Variants in TET1 observed in about 807,000 individuals in gnomAD.
TET1 encodes tet methylcytosine dioxygenase 1.
Under a neutral mutation model 148.7 loss-of-function variants are expected in TET1, and 13 were observed. The ratio of observed to expected loss-of-function variants is 0.09; its 90% CI spans 0.06 to 0.14. The LOEUF (loss-of-function observed/expected upper bound fraction) is 0.14. Ranked by LOEUF, TET1 falls within the 10% of genes least tolerant of loss-of-function variation. TET1 has a pLI of 1.00. For missense variants in TET1, 2,182 were observed against 2,553.8 expected, an observed-to-expected ratio of 0.85 and a Z score of 3.14; for synonymous variants, 907 against 937.2, an observed-to-expected ratio of 0.97 and a Z score of 0.59.
chr10:68,593,335 A>G (rs2053940745), intron 2 of TET1, among the ~76,000 whole-genome samples: 1 of 152,040 alleles, frequency 6.6e-6, no homozygotes, highest in South Asian at 2.1e-4. Flanking sequence ...AAACAAATTA[A>G]TACATTTAAA....
chr10:68,611,479 C>G (rs1055466779), intron 3 of TET1, among the ~76,000 whole-genome samples: 10 of 151,830 alleles, frequency 6.6e-5, no homozygotes, highest in African/African-American at 2.4e-4. Flanking sequence ...TAGCAAGACT[C>G]CATCTCTTCA....
intron 2 of TET1, among the ~76,000 whole-genome samples, chr10:68,586,386 C>T (rs2053861315): frequency 6.6e-6 from 1 of 151,718 alleles, no homozygotes; most frequent in African/African-American, 2.4e-5. Flanking sequence ...CCATGTTGGT[C>T]AGGCTGGTTT....
At chr10:68,678,474 G>T (rs1305625624) in intron 8 of TET1, among the ~76,000 whole-genome samples, 1 of 152,194 alleles carries the variant, frequency 6.6e-6, no homozygotes, top group Non-Finnish European at 1.5e-5. Context: ...CAGAGGCCTG[G>T]TGTGGTGGCT....
chr10:68,611,458 C>G (rs2457455), intron 3 of TET1, among the ~76,000 whole-genome samples: 32,539 of 151,786 alleles, frequency 0.21, 3,649 homozygotes, highest in South Asian at 0.32. Context: ...CGCACTCCAG[C>G]CTGGGCAACA....
Position 68,573,972 on chromosome 10 carries a change from G to T in TET1, c.1634G>T (p.Ser545Ile). ...GGTCCTAGCAAATCAGACAGAGGGA[G>T]CTCCCAGGTCAGTGTAACCAGCACA... is the stretch of plus-strand genomic sequence containing the variant. ...QAGPSKSDRG[S>I]SQVSVTSTVH... Residue 545 changes from serine to isoleucine, a missense_variant, in exon 2 of 12, where the codon AGC becomes ATC. Physicochemically the swap from Ser to Ile is moderately radical, Grantham distance 142 (BLOSUM62 -2). Around this residue, in one of 11 missense-constraint regions of TET1, gnomAD observed 665 missense variants for 672.4 expected, o/e 0.99. Transcript: ENST00000373644. 5.6e-6 allele frequency: 9 copies of T among 1,614,176 alleles called. No homozygotes were observed. The highest frequency in any genetic ancestry group is 7.6e-6 in the Non-Finnish European group (9 of 1,180,046).
intron 3 of TET1, among the ~76,000 whole-genome samples, chr10:68,622,643 C>T (rs1048238854): frequency 2.6e-5 from 4 of 152,004 alleles, no homozygotes; most frequent in Non-Finnish European, 5.9e-5. Context: ...AACAGTTCCA[C>T]AGTCCTCTTT....
chr10:68,566,967 T>C (rs1276462324), intron 1 of TET1, among the ~76,000 whole-genome samples: 1 of 152,052 alleles, frequency 6.6e-6, no homozygotes, highest in Non-Finnish European at 1.5e-5. Flanking sequence ...ATGAGGTCAA[T>C]ACTATTAGGT....
At chr10:68,681,323 G>A in intron 8 of TET1, 76 bp from the exon 9 acceptor site, 1 of 882,450 alleles carries the variant, frequency 1.1e-6, no homozygotes. Context: ...CATCAGCCAT[G>A]ATTTATGATT....
At chr10:68,591,934 CAAAA>C (rs2053923422) in intron 2 of TET1, among the ~76,000 whole-genome samples, 1 of 149,288 alleles carries the variant, frequency 6.7e-6, no homozygotes, top group South Asian at 2.1e-4. Context: ...AACAAACAAA[CAAAA>C]ACAGCCTACA....
Position 68,691,621 on chromosome 10 carries a change from C to G in TET1, c.6218C>G (p.Ala2073Gly), listed in dbSNP as rs777084272. 1 of 1,614,104 alleles carries G rather than the reference C, an allele frequency of 6.2e-7. No homozygotes were observed. Among genetic ancestry groups the G allele is most frequent in the South Asian group, 1.1e-5 (1 of 91,084 alleles). ...LNKIKFEAKEAKNKKMKASEQ... is the reference protein window; with the variant it reads ...LNKIKFEAKEGKNKKMKASEQ... ...AAGATTAAGTTTGAGGCTAAAGAAGCTAAGAATAAGAAAATGAAGGCCTCA... is the reference window on the plus strand; with the variant it reads ...AAGATTAAGTTTGAGGCTAAAGAAGGTAAGAATAAGAAAATGAAGGCCTCA... Residue 2073 changes from alanine to glycine, a missense_variant, in exon 12 of 12, where the codon GCT becomes GGT. Transcript: ENST00000373644. The surrounding 1 kb of genome is among the most constrained non-coding windows in gnomAD (Gnocchi z 4.4).
intron 7 of TET1, among the ~76,000 whole-genome samples, chr10:68,670,709 A>G (rs1331213758): frequency 6.6e-6 from 1 of 152,130 alleles, no homozygotes; most frequent in Non-Finnish European, 1.5e-5. Context: ...GGCAACTTTA[A>G]TTTATTCTAT....
chr10:68,618,731 A>G (rs1023998673), intron 3 of TET1, among the ~76,000 whole-genome samples: 1 of 152,234 alleles, frequency 6.6e-6, no homozygotes, highest in African/African-American at 2.4e-5. Flanking sequence ...TACAACTGAT[A>G]ATCCAAGGGC....
At chr10:68,643,112 T>C (rs1457315838) in intron 3 of TET1, among the ~76,000 whole-genome samples, 1 of 151,180 alleles carries the variant, frequency 6.6e-6, no homozygotes, top group Non-Finnish European at 1.5e-5. Flanking sequence ...TACAAAAAAA[T>C]TAGCCAGGCA....
At chr10:68,580,782 CAAAA>C (rs71483915) in intron 2 of TET1, among the ~76,000 whole-genome samples, 12,277 of 94,892 alleles carry the variant, frequency 0.13, 795 homozygotes, top group South Asian at 0.27. Context: ...AACTCCATCT[CAAAA>C]AAAAAAAAAA....
intron 3 of TET1, among the ~76,000 whole-genome samples, chr10:68,625,873 G>A (rs547237647): frequency 7.3e-4 from 111 of 152,080 alleles, no homozygotes; most frequent in Non-Finnish European, 1.4e-3. Flanking sequence ...GATCGCTTGA[G>A]CCCAGGAGTT....
chr10:68,595,609 C>CT (rs1564958558), intron 2 of TET1, among the ~76,000 whole-genome samples: 25 of 89,348 alleles, frequency 2.8e-4, no homozygotes, highest in South Asian at 4.4e-4. Context: ...ACACACACAG[C>CT]TTCTTTTTTT....
intron 6 of TET1, among the ~76,000 whole-genome samples, chr10:68,661,880 C>T (rs200315718): frequency 3.6e-4 from 40 of 111,120 alleles, no homozygotes; most frequent in Middle Eastern, 4.1e-3. Flanking sequence ...AATTTTTTTT[C>T]TTTTTTTTTT....
chr10:68,585,706 A>C (rs549695545), intron 2 of TET1, among the ~76,000 whole-genome samples: 1 of 152,156 alleles, frequency 6.6e-6, no homozygotes, highest in Non-Finnish European at 1.5e-5. Context: ...AAAGAATCAG[A>C]CCACTTAAAA....
intron 3 of TET1, among the ~76,000 whole-genome samples, chr10:68,604,508 G>C (rs768701956): frequency 1.3e-5 from 2 of 152,184 alleles, no homozygotes; most frequent in Non-Finnish European, 2.9e-5. Flanking sequence ...GAGGAAGCAT[G>C]GGCTGGAGCC....
Sources: allele counts gnomAD v4.1 joint callset (sites outside exome capture counted in the v4.1 genomes callset), GRCh38; gene constraint gnomAD v4.1.1; regional missense constraint gnomAD v4.1.1; non-coding constraint Gnocchi (gnomAD v3.1); transcripts MANE v1.5; gene names NCBI Gene and HGNC (gene_info 2026-07-23, HGNC 2026-07-21).